Variants in APOB observed in about 807,000 individuals in gnomAD.
APOB encodes the protein apolipoprotein B-100.
In APOB, 153 loss-of-function variants were observed where a neutral mutation model predicts 314.1. The ratio of observed to expected loss-of-function variants is 0.49; its 90% CI spans 0.43 to 0.56. The LOEUF is 0.56. APOB is among the 20% of genes least tolerant of loss of function. APOB has a pLI of 0.00. For synonymous variants in APOB, 2,087 were observed against 2,036.4 expected (o/e 1.02, Z -0.67); for missense variants, 5,430 against 5,350.7 (o/e 1.01, Z -0.46).
At chr2:21,032,608 A>G in intron 9 of APOB, 27 bp from the exon 10 acceptor site, 1 of 1,567,332 alleles carries the variant, frequency 6.4e-7, no homozygotes. Context: ...GGATAAAGTT[A>G]TACAGACCAC....
rs147614933 is a variant in APOB, at chr2:21,038,402, C to A, written c.384-291G>T. On this transcript the variant is annotated intron_variant, in intron 4 of 28. Coordinates refer to ENST00000233242, the MANE Select transcript of APOB (RefSeq NM_000384.3). ...CCCGGGCTGGAGTGCAATGGCGCAACCTCAGCTCACTGCAACCTCCACCTC... is the reference window on the plus strand; with the variant it reads ...CCCGGGCTGGAGTGCAATGGCGCAAACTCAGCTCACTGCAACCTCCACCTC... 2.0e-3 allele frequency among the ~76,000 whole-genome samples: 299 copies of A among 151,842 alleles called. 5 individuals carry two copies. In the East Asian group the frequency reaches 0.052, roughly 26 times the overall value.
chr2:21,012,513 A>G lies in APOB; in HGVS notation c.4355T>C (p.Leu1452Ser). Reference protein sequence around the residue: ...KLGNNPVSKGLLIFDASSSWG... With the variant: ...KLGNNPVSKGSLIFDASSSWG... Reference sequence around the variant, plus strand: ...GGAACTAGATGCATCGAATATTAGTAAACCTTTTGAGACTGGGTTGTTTCC... The same window carrying G: ...GGAACTAGATGCATCGAATATTAGTGAACCTTTTGAGACTGGGTTGTTTCC... The change falls in exon 26 of 29, where the codon TTA becomes TCA. Residue 1452 changes from leucine to serine, a missense_variant. Around this residue, in one of 3 missense-constraint regions of APOB, gnomAD observed 2,085 missense variants for 2,079.7 expected, o/e 1.00. Transcript: ENST00000233242. The G allele has an allele frequency of 6.2e-7, 1 of 1,614,222 alleles. No homozygotes were observed. Among genetic ancestry groups the G allele is most frequent in the Non-Finnish European group, 8.5e-7 (1 of 1,180,046 alleles).
rs1053904822 is a variant in APOB, at chr2:21,029,745, G to C, written c.1511C>G (p.Pro504Arg). ...NMGQTMEQLTPELKSSILKCV... is the reference protein window; with the variant it reads ...NMGQTMEQLTRELKSSILKCV... ...TTTCAGGATTGAAGACTTGAGTTCT[G>C]GAGTTAACTGCTCCATGGTTTGGCC... is the stretch of plus-strand genomic sequence containing the variant. Residue 504 changes from proline to arginine, a missense_variant, in exon 12 of 29, where the codon CCA becomes CGA. By Grantham distance (103) the Pro-to-Arg change is moderately radical. Around this residue, in one of 3 missense-constraint regions of APOB, gnomAD observed 2,085 missense variants for 2,079.7 expected, o/e 1.00. Transcript: ENST00000233242. 1.9e-6 allele frequency: 3 copies of C among 1,614,040 alleles called. No homozygotes were observed. Among genetic ancestry groups the C allele is most frequent in the Non-Finnish European group, 2.5e-6 (3 of 1,180,028 alleles).
chr2:21,003,157 G>T lies in APOB; in HGVS notation c.12265C>A (p.His4089Asn), dbSNP rs2103348161. 1 of 1,613,848 alleles carries T rather than the reference G, an allele frequency of 6.2e-7. No homozygotes were observed. The highest frequency in any genetic ancestry group is 1.7e-4 in the Middle Eastern group (1 of 6,060). ...GVLYDYVNKYHWEHTGLTLRE... is the reference protein window; with the variant it reads ...GVLYDYVNKYNWEHTGLTLRE... ...AGGGTGAGCCCTGTGTGTTCCCAGT[G>T]GTACTTGTTGACATAATCATAAAGG... is the stretch of plus-strand genomic sequence containing the variant. Residue 4089 changes from histidine (H) to asparagine (N), a missense_variant, in exon 29 of 29, where the codon CAC becomes AAC. Physicochemically the swap from His to Asn is moderately conservative, Grantham distance 68. Around this residue, in one of 3 missense-constraint regions of APOB, gnomAD observed 3,281 missense variants for 3,171.0 expected, o/e 1.03. Transcript: ENST00000233242.
chr2:21,026,860 A>C lies in APOB; in HGVS notation c.2172T>G (p.Gly724=), dbSNP rs1444385086. 6.2e-7 allele frequency: 1 copy of C among 1,614,112 alleles called. No homozygotes were observed. Among genetic ancestry groups the C allele is most frequent in the Non-Finnish European group, 8.5e-7 (1 of 1,179,960 alleles). Residue 724 remains glycine, a synonymous_variant, in exon 15 of 29, where the codon GGT becomes GGG. Coordinates refer to ENST00000233242, the MANE Select transcript of APOB (RefSeq NM_000384.3). The part of the protein sequence containing the change: ...SVNKALYWVN[G]QVPDGVSKVL... ...CCTTAGAGACACCATCAGGAACTTG[A>C]CCATTAACCCAGTACAAAGCTTTGT... is the stretch of plus-strand genomic sequence containing the variant.
At position 21,002,110 on chromosome 2, in the gene APOB, T is replaced by A. The variant is rs1188853260; in HGVS notation, c.13312A>T (p.Ser4438Cys). The A allele has an allele frequency of 6.2e-7, 1 of 1,613,960 alleles. No individual in the cohort carries two copies. The highest frequency in any genetic ancestry group is 2.2e-5 in the East Asian group (1 of 44,868). ...SASNFTSQLSSQVEQFLHRNI... is the reference protein window; with the variant it reads ...SASNFTSQLSCQVEQFLHRNI... The stretch of plus-strand genomic sequence containing the variant: ...CTGTGCAGAAATTGCTCAACTTGAC[T>A]TGAGAGTTGGGAAGTAAAGTTAGAG... The change falls in exon 29 of 29, where the codon AGT becomes TGT. Residue 4438 changes from serine to cysteine, a missense_variant. Physicochemically the swap from Ser to Cys is moderately radical, Grantham distance 112. Transcript: ENST00000233242.
chr2:21,043,994 C>T lies in APOB; in HGVS notation c.-49G>A. On this transcript the variant is annotated 5_prime_UTR_variant, in exon 1 of 29. Transcript: ENST00000233242. ...CTGGGCTGCGGCCTGGCCTCGGCCTCGCGGCCCTGGCTGGCTGGGCGGGCT... is the reference window on the plus strand; with the variant it reads ...CTGGGCTGCGGCCTGGCCTCGGCCTTGCGGCCCTGGCTGGCTGGGCGGGCT... 9.7e-7 allele frequency: 1 copy of T among 1,030,478 alleles called. No individual in the cohort carries two copies. Among genetic ancestry groups the T allele is most frequent in the Non-Finnish European group, 1.2e-6 (1 of 809,390 alleles). The allele number at this position is 1,030,478 out of a possible 1,614,324, so 63.8% of individuals were successfully genotyped here.
At chr2:21,034,396 C>G (rs1180333990) in intron 8 of APOB, among the ~76,000 whole-genome samples, 2 of 152,132 alleles carry the variant, frequency 1.3e-5, no homozygotes, top group East Asian at 3.9e-4. Context: ...CAATACAATA[C>G]TGGGTAAGGG....
rs752558963 is a variant in APOB, at chr2:21,002,649, C to T, written c.12773G>A (p.Arg4258Lys). Residue 4258 changes from arginine (R) to lysine (K), a missense_variant, in exon 29 of 29, where the codon AGG becomes AAG. Arg to Lys is a conservative substitution (Grantham distance 26, BLOSUM62 2). Coordinates refer to ENST00000233242, the MANE Select transcript of APOB (RefSeq NM_000384.3). The stretch of plus-strand genomic sequence containing the variant: ...GATTACATCTATTAGTTTATGTTTC[C>T]TTAACTCGAAAGGAAGTGTAATCAC... ...DLVITLPFELRKHKLIDVISM... is the reference protein window; with the variant it reads ...DLVITLPFELKKHKLIDVISM... 1 of 1,613,792 alleles carries T rather than the reference C, an allele frequency of 6.2e-7. No homozygotes were observed. The highest frequency in any genetic ancestry group is 8.5e-7 in the Non-Finnish European group (1 of 1,179,872).
chr2:21,023,630 C>T lies in APOB; in HGVS notation c.2499G>A (p.Glu833=), dbSNP rs771752683. The change falls in exon 17 of 29, where the codon GAG becomes GAA. Residue 833 remains glutamate (E), a synonymous_variant. Transcript: ENST00000233242. ...CTCCAGTGGGGAGTTCAAAGGCATT[C>T]TCCATGAAGATGTAGTGAAGAAAAA... ...NDFFLHYIFM[E]NAFELPTGAG... is the part of the protein sequence containing the mutation. 6.2e-7 allele frequency: 1 copy of T among 1,614,116 alleles called. No individual in the cohort carries two copies. Among genetic ancestry groups the T allele is most frequent in the South Asian group, 1.1e-5 (1 of 91,078 alleles).
In APOB at chr2:21,016,470, T is replaced by C. The variant is rs748396067; in HGVS notation, c.3301A>G (p.Ile1101Val). Residue 1101 changes from isoleucine (I) to valine (V), a missense_variant, in exon 21 of 29, where the codon ATT becomes GTT. By Grantham distance (29) the Ile-to-Val change is conservative (BLOSUM62 3). Coordinates refer to ENST00000233242, the MANE Select transcript of APOB (RefSeq NM_000384.3). ...RLTLDIQNKK[I>V]TEVALMGHLS... ...TGGCCCATGAGGGCGACCTCAGTAA[T>C]TTTCTTGTTCTGAATGTCCAGGGTG... The C allele has an allele frequency of 1.2e-5, 19 of 1,611,486 alleles. No homozygotes were observed. In the East Asian group the frequency reaches 3.8e-4, roughly 32 times the overall value.
chr2:21,021,277 T>C (rs746276769), intron 18 of APOB, among the ~76,000 whole-genome samples: 1 of 152,188 alleles, frequency 6.6e-6, no homozygotes, highest in Non-Finnish European at 1.5e-5. Context: ...AATCACCCAG[T>C]ACTTATGATT....
chr2:21,028,477 G>C lies in APOB; in HGVS notation c.1679C>G (p.Ala560Gly). The C allele has an allele frequency of 1.2e-6, 2 of 1,613,956 alleles. No homozygotes were observed. Among genetic ancestry groups the C allele is most frequent in the Non-Finnish European group, 1.7e-6 (2 of 1,179,918 alleles). Reference protein sequence around the residue: ...DDASPGDKRLAAYLMLMRSPS... With the variant: ...DDASPGDKRLGAYLMLMRSPS... Reference sequence around the variant, plus strand: ...ACTCCTCATCAACATAAGATAGGCAGCCAGTCGCTTATCTCCCGGAGAAGC... The same window carrying C: ...ACTCCTCATCAACATAAGATAGGCACCCAGTCGCTTATCTCCCGGAGAAGC... Residue 560 changes from alanine to glycine, a missense_variant, in exon 13 of 29, where the codon GCT becomes GGT. Physicochemically the swap from Ala to Gly is moderately conservative, Grantham distance 60 (BLOSUM62 0). This residue lies in a region of APOB where 2,085 missense variants were observed against 2,079.7 expected (regional missense o/e 1.00). Transcript: ENST00000233242.
At position 21,003,288 on chromosome 2, in the gene APOB, A is replaced by T; in HGVS notation, c.12134T>A (p.Val4045Asp). The change falls in exon 29 of 29, where the codon GTC becomes GAC. Residue 4045 changes from valine to aspartate, a missense_variant. By Grantham distance (152) the Val-to-Asp change is radical (BLOSUM62 -3). Transcript: ENST00000233242. ...KLTIFKTELR[V>D]RESDEETQIK... is the part of the protein sequence containing the mutation. ...CTGAGTTTCCTCATCAGATTCCCGG[A>T]CCCTCAACTCAGTTTTGAATATGGT... 1 of 1,613,582 alleles carries T rather than the reference A, an allele frequency of 6.2e-7. No individual in the cohort carries two copies. Among genetic ancestry groups the T allele is most frequent in the Non-Finnish European group, 8.5e-7 (1 of 1,179,862 alleles).
chr2:21,043,078 C>T (rs1014662416), intron 2 of APOB, among the ~76,000 whole-genome samples: 7 of 149,414 alleles, frequency 4.7e-5, no homozygotes, highest in Non-Finnish European at 7.4e-5. Context: ...GCGGCTCCAG[C>T]ACACAGGGTC....
At position 21,009,792 on chromosome 2, in the gene APOB, T is replaced by A. The variant is rs1663254636; in HGVS notation, c.7076A>T (p.Asp2359Val). The change falls in exon 26 of 29, where the codon GAT (aspartate) becomes GTT (valine). Residue 2359 changes from aspartate (D) to valine (V), a missense_variant. Physicochemically the swap from Asp to Val is radical, Grantham distance 152. This residue lies in a region of APOB where 3,281 missense variants were observed against 3,171.0 expected (regional missense o/e 1.03). Coordinates refer to ENST00000233242, the MANE Select transcript of APOB (RefSeq NM_000384.3). ...TTGGTGGGCCAACTCTACTAATTTA[T>A]CCATTAAAACCTGGATTTGTTGGTC... ...EVDQQIQVLM[D>V]KLVELAHQYK... 2 of 1,614,040 alleles carry A rather than the reference T, an allele frequency of 1.2e-6. No individual in the cohort carries two copies. The highest frequency in any genetic ancestry group is 1.7e-6 in the Non-Finnish European group (2 of 1,179,968).
intron 9 of APOB, among the ~76,000 whole-genome samples, chr2:21,032,945 G>T (rs568814433): frequency 6.6e-6 from 1 of 152,244 alleles, no homozygotes; most frequent in East Asian, 1.9e-4. Flanking sequence ...GAAGGGTAGA[G>T]AAATCATATT....
chr2:21,008,670 A>G lies in APOB; in HGVS notation c.8198T>C (p.Val2733Ala), dbSNP rs771792572. 88 of 1,614,020 alleles carry G rather than the reference A, an allele frequency of 5.5e-5. No individual in the cohort carries two copies. The highest frequency in any genetic ancestry group is 7.0e-5 in the Non-Finnish European group (83 of 1,179,990). ...IPTLNLNDFQ[V>A]PDLHIPEFQL... Reference sequence around the variant, plus strand: ...GAATTCTGGTATGTGAAGGTCAGGAACTTGAAAATCATTAAGGTTGAGAGT... The same window carrying G: ...GAATTCTGGTATGTGAAGGTCAGGAGCTTGAAAATCATTAAGGTTGAGAGT... Residue 2733 changes from valine to alanine, a missense_variant, in exon 26 of 29, where the codon GTT becomes GCT. Around this residue, in one of 3 missense-constraint regions of APOB, gnomAD observed 3,281 missense variants for 3,171.0 expected, o/e 1.03. Coordinates refer to ENST00000233242, the MANE Select transcript of APOB (RefSeq NM_000384.3).
chr2:21,006,314 G>A lies in APOB; in HGVS notation c.10554C>T (p.Asn3518=), dbSNP rs768676568. The part of the protein sequence containing the change: ...EYSGTIASEA[N]TYLNSKSTRS... ...GTGTGCTCTTGGAATTCAAGTAAGT[G>A]TTGGCCTCACTAGCAATAGTTCCTG... Residue 3518 remains asparagine, a synonymous_variant, in exon 26 of 29, where the codon AAC becomes AAT. Coordinates refer to ENST00000233242, the MANE Select transcript of APOB (RefSeq NM_000384.3). 3.7e-6 allele frequency: 6 copies of A among 1,613,942 alleles called. No individual in the cohort carries two copies. The highest frequency in any genetic ancestry group is 3.3e-5 in the Admixed American group (2 of 59,994).
Sources: allele counts gnomAD v4.1 joint callset (sites outside exome capture counted in the v4.1 genomes callset), GRCh38; gene constraint gnomAD v4.1.1; regional missense constraint gnomAD v4.1.1; transcripts MANE v1.5; gene names NCBI Gene and HGNC (gene_info 2026-07-23, HGNC 2026-07-21).